Variants in SVOPL observed in about 807,000 individuals in gnomAD.
SVOPL encodes the protein putative transporter SVOPL.
Under a neutral mutation model 61.0 loss-of-function variants are expected in SVOPL, and 60 were observed. The ratio of observed to expected loss-of-function variants is 0.98; its 90% CI spans 0.80 to 1.22. The LOEUF is 1.22. Among genes scored for constraint, SVOPL ranks in the 50% most tolerant of loss-of-function variants. The pLI is 0.00. For synonymous variants in SVOPL, 279 were observed against 250.0 expected (o/e 1.12, Z -1.09); for missense variants, 662 against 643.9 (o/e 1.03, Z -0.30).
At chr7:138,644,668 TC>T (rs1584824556) in intron 9 of SVOPL, 48 bp downstream of exon 9, 11 of 1,600,318 alleles carry the variant, frequency 6.9e-6, no homozygotes, top group Non-Finnish European at 9.4e-6. Context: ...TGAGGGGATT[TC>T]CCAGTGGCCA....
intron 4 of SVOPL, chr7:138,664,094 G>A: frequency 5.4e-6 from 3 of 557,024 alleles, no homozygotes; most frequent in Non-Finnish European, 6.9e-6. Context: ...ACAGAAACCT[G>A]TCCGCTCGCT....
At chr7:138,662,866 G>A (rs1482833082) in intron 5 of SVOPL, 9 of 1,419,126 alleles carry the variant, frequency 6.3e-6, no homozygotes. Flanking sequence ...TCCACACCTG[G>A]ACTGCAGAGG....
intron 15 of SVOPL, among the ~76,000 whole-genome samples, chr7:138,595,471 C>T (rs1488274097): frequency 6.6e-6 from 1 of 152,160 alleles, no homozygotes; most frequent in African/African-American, 2.4e-5. Flanking sequence ...AACCAAGTCC[C>T]AGTCAACAGA....
intron 14 of SVOPL, among the ~76,000 whole-genome samples, chr7:138,615,250 AG>A (rs1211289405): frequency 6.6e-6 from 1 of 152,058 alleles, no homozygotes; most frequent in Non-Finnish European, 1.5e-5. Flanking sequence ...GAATGGAATT[AG>A]TGTCCTTAAA....
chr7:138,597,163 G>GT, intron 14 of SVOPL: 30 of 1,287,608 alleles, frequency 2.3e-5, no homozygotes, highest in Non-Finnish European at 3.0e-5. Context: ...TCATACTTTA[G>GT]TTTCTCTTGG....
intron 13 of SVOPL, among the ~76,000 whole-genome samples, chr7:138,621,984 A>G (rs1799617819): frequency 7.5e-6 from 1 of 132,898 alleles, no homozygotes; most frequent in African/African-American, 2.9e-5. Flanking sequence ...GTATCTATCT[A>G]TCTATGTATC....
chr7:138,596,602 G>C (rs1798293176), intron 14 of SVOPL, 72 bp from the exon 15 acceptor site: 4 of 1,550,868 alleles, frequency 2.6e-6, no homozygotes, highest in South Asian at 2.4e-5. Context: ...ATGTGAAAGA[G>C]AAAATACAGA....
chr7:138,690,184 C>T (rs1802910150), intron 1 of SVOPL, among the ~76,000 whole-genome samples: 3 of 152,302 alleles, frequency 2.0e-5, no homozygotes, highest in South Asian at 2.1e-4. Context: ...TAAGCCGCTC[C>T]GTGTATGGTA....
rs1802787091 is a variant in SVOPL at position 138,685,482 on chromosome 7, G to T, written c.-34-6403C>A. On this transcript the variant is annotated intron_variant, in intron 1 of 15. Coordinates refer to ENST00000674285, the MANE Select transcript of SVOPL (RefSeq NM_001139456.2). ...GTATTAGTCAAAGGCACAAAATTTT[G>T]GCTATACAAGATGAATGAGTCCTAA... Among the ~76,000 whole-genome samples the T allele has an allele frequency of 2.0e-5, 3 of 152,088 alleles. 1 individual carries two copies. Among genetic ancestry groups the T allele is most frequent in the African/African-American group, 7.2e-5 (3 of 41,414 alleles).
At chr7:138,649,845 T>C (rs1324349114) in intron 7 of SVOPL, among the ~76,000 whole-genome samples, 1 of 152,092 alleles carries the variant, frequency 6.6e-6, no homozygotes, top group Non-Finnish European at 1.5e-5. Context: ...TGTTTGTTTG[T>C]TTTTGAGACA....
intron 4 of SVOPL, among the ~76,000 whole-genome samples, chr7:138,663,816 G>T (rs1802119262): frequency 6.7e-6 from 1 of 150,238 alleles, no homozygotes; most frequent in Non-Finnish European, 1.5e-5. Context: ...ACGGCCTCCA[G>T]GGCAATCAAA....
chr7:138,672,673 A>AAG (rs1563133308), intron 3 of SVOPL, among the ~76,000 whole-genome samples: 7 of 150,568 alleles, frequency 4.6e-5, no homozygotes, highest in African/African-American at 1.7e-4. Context: ...AAAAAAAAAA[A>AAG]AAGAAGCAAT....
chr7:138,656,345 G>T, intron 7 of SVOPL, 103 bp downstream of exon 7: 1 of 1,139,408 alleles, frequency 8.8e-7, no homozygotes. Context: ...TCGCTTAATT[G>T]CAGCGAGCTG....
chr7:138,607,449 A>G (rs890391396), intron 14 of SVOPL, among the ~76,000 whole-genome samples: 5 of 152,224 alleles, frequency 3.3e-5, no homozygotes, highest in Non-Finnish European at 7.3e-5. Flanking sequence ...GAGGAAACCC[A>G]CAGAGTGCAA....
chr7:138,671,091 G>A (rs367733126), intron 4 of SVOPL, among the ~76,000 whole-genome samples: 9 of 151,942 alleles, frequency 5.9e-5, no homozygotes, highest in African/African-American at 2.2e-4. Context: ...CATATTTTTT[G>A]CATGGAGGGT....
intron 9 of SVOPL, among the ~76,000 whole-genome samples, chr7:138,640,382 C>T (rs1800724420): frequency 1.3e-5 from 2 of 152,062 alleles, no homozygotes; most frequent in South Asian, 4.1e-4. Context: ...CAGGCATGTG[C>T]CACCATGCCT....
intron 6 of SVOPL, among the ~76,000 whole-genome samples, chr7:138,658,133 T>C (rs1801835790): frequency 1.3e-5 from 2 of 152,306 alleles, no homozygotes; most frequent in Admixed American, 6.5e-5. Context: ...TTGTGATGTG[T>C]ATCTTGTGAA....
chr7:138,639,381 C>T (rs1563110241), intron 9 of SVOPL, among the ~76,000 whole-genome samples: 1 of 151,824 alleles, frequency 6.6e-6, no homozygotes, highest in Non-Finnish European at 1.5e-5. Context: ...AATCCCAGCA[C>T]TTTGGGAGGC....
At chr7:138,630,213 C>T in intron 9 of SVOPL, 91 bp from the exon 10 acceptor site, 1 of 1,057,632 alleles carries the variant, frequency 9.5e-7, no homozygotes, top group Non-Finnish European at 1.5e-6. Context: ...AGATGAGAAT[C>T]ATATTGGAGC....
Sources: allele counts gnomAD v4.1 joint callset (sites outside exome capture counted in the v4.1 genomes callset), GRCh38; gene constraint gnomAD v4.1.1; transcripts MANE v1.5; gene names NCBI Gene and HGNC (gene_info 2026-07-23, HGNC 2026-07-21).